The following RHEB variants were observed in gnomAD, a reference collection of about 807,000 sequenced individuals.
The protein encoded by RHEB is Ras homolog, mTORC1 binding.
In RHEB, 2 loss-of-function variants were observed where a neutral mutation model predicts 28.8. The observed-to-expected ratio is 0.07, with a 90% CI of 0.03 to 0.22. RHEB has a LOEUF of 0.22. Ranked by LOEUF, RHEB falls within the 10% of genes least tolerant of loss-of-function variation. The pLI is 1.00. For missense variants in RHEB, 76 were observed against 219.9 expected, an observed-to-expected ratio of 0.35 and a Z score of 4.14; for synonymous variants, 69 against 77.3, an observed-to-expected ratio of 0.89 and a Z score of 0.56.
At chr7:151,498,157 T>C (rs1235216813) in intron 1 of RHEB, 5 of 1,289,636 alleles carry the variant, frequency 3.9e-6, no homozygotes, top group Non-Finnish European at 5.1e-6. Flanking sequence ...TCACAACAGG[T>C]GCGTAGGTCC....
intron 4 of RHEB, among the ~76,000 whole-genome samples, chr7:151,474,179 T>C (rs1802222920): frequency 9.7e-6 from 1 of 102,776 alleles, no homozygotes; most frequent in South Asian, 3.8e-4. Context: ...ACCAGTGTTG[T>C]TTTTTTGTTT....
chr7:151,519,046 G>C (rs892727786), intron 1 of RHEB: 1 of 152,436 alleles, frequency 6.6e-6, no homozygotes, highest in African/African-American at 2.4e-5. Flanking sequence ...GGGGCGGGGT[G>C]GGGGAGACCG....
intron 1 of RHEB, chr7:151,498,161 T>G (rs1205629305): frequency 7.8e-7 from 1 of 1,289,740 alleles, no homozygotes; most frequent in East Asian, 5.5e-5. Context: ...AACAGGTGCG[T>G]AGGTCCTGGC....
At chr7:151,481,615 G>A (rs527395665) in intron 3 of RHEB, among the ~76,000 whole-genome samples, 95 of 152,272 alleles carry the variant, frequency 6.2e-4, no homozygotes, top group Admixed American at 2.8e-3. Context: ...ATGCCTGTGT[G>A]CCACCATCCT....
chr7:151,502,644 T>A, intron 1 of RHEB: 1 of 1,600,048 alleles, frequency 6.2e-7, no homozygotes, highest in Non-Finnish European at 8.6e-7. Context: ...TAGATGGTAG[T>A]GGTGCACTTT....
chr7:151,477,992 A>G (rs1802301022), intron 3 of RHEB, among the ~76,000 whole-genome samples: 2 of 152,142 alleles, frequency 1.3e-5, no homozygotes, highest in South Asian at 2.1e-4. Context: ...ACCAGGTTCA[A>G]TTGAGGTATT....
chr7:151,479,677 C>T (rs1356993132), intron 3 of RHEB, among the ~76,000 whole-genome samples: 25 of 112,700 alleles, frequency 2.2e-4, no homozygotes, highest in East Asian at 7.3e-4. Flanking sequence ...AGCGAGACTC[C>T]GTCTCAAAAA....
intron 1 of RHEB, among the ~76,000 whole-genome samples, chr7:151,492,942 G>A (rs1371708323): frequency 6.6e-6 from 1 of 150,586 alleles, no homozygotes; most frequent in Non-Finnish European, 1.5e-5. Context: ...GGGTTGAGGC[G>A]ATTCTCCTGC....
rs147823661 is a variant in RHEB, at chr7:151,496,029, C to G, written c.53-5015G>C. On this transcript the variant is annotated intron_variant, in intron 1 of 7. Coordinates refer to ENST00000262187, the MANE Select transcript of RHEB (RefSeq NM_005614.4). ...TGATGGGGAAGACCAGATTTTCAAT[C>G]TATTAACTAGTCTATCAAGGCATTC... Among the ~76,000 whole-genome samples the G allele has an allele frequency of 1.3e-3, 198 of 152,322 alleles. 2 individuals are homozygous for G. In the East Asian group the frequency reaches 0.02, roughly 15 times the overall value.
In RHEB at chr7:151,484,768, T is replaced by A; in HGVS notation, c.161A>T (p.Tyr54Phe). 2 of 1,612,854 alleles carry A rather than the reference T, an allele frequency of 1.2e-6. No individual in the cohort carries two copies. Among genetic ancestry groups the A allele is most frequent in the Non-Finnish European group, 1.7e-6 (2 of 1,178,870 alleles). The change falls in exon 3 of 8, where the codon TAT becomes TTT. Residue 54 changes from tyrosine to phenylalanine, a missense_variant. Transcript: ENST00000262187. Reference sequence around the variant, plus strand: ...GGCTGTGTCTACAAGTTGAAGATGATATTCTTGTCCATTTACTGTGATCAA... The same window carrying A: ...GGCTGTGTCTACAAGTTGAAGATGAAATTCTTGTCCATTTACTGTGATCAA... The part of the protein sequence containing the change: ...TKLITVNGQE[Y>F]HLQLVDTAGQ...
chr7:151,501,620 A>G (rs1802772807), intron 1 of RHEB, among the ~76,000 whole-genome samples: 1 of 152,232 alleles, frequency 6.6e-6, no homozygotes, highest in Non-Finnish European at 1.5e-5. Context: ...ACGAAAATTT[A>G]TGGTCAACAC....
chr7:151,502,237 A>G, intron 1 of RHEB: 1 of 516,910 alleles, frequency 1.9e-6, no homozygotes, highest in Non-Finnish European at 3.5e-6. Flanking sequence ...TCAAAAAAAA[A>G]AAAAAAAAAA....
intron 1 of RHEB, among the ~76,000 whole-genome samples, chr7:151,510,155 T>A (rs567942585): frequency 1.7e-4 from 26 of 152,190 alleles, no homozygotes; most frequent in Non-Finnish European, 3.7e-4. Flanking sequence ...ACCCTTCTCA[T>A]TCACTCAGTG....
intron 3 of RHEB, among the ~76,000 whole-genome samples, chr7:151,482,724 C>A (rs1447222909): frequency 6.6e-6 from 1 of 152,106 alleles, no homozygotes; most frequent in Admixed American, 6.5e-5. Flanking sequence ...ACTGTTGTCC[C>A]AACATAATTA....
At chr7:151,502,283 A>G (rs1213902580) in intron 1 of RHEB, 7 of 697,298 alleles carry the variant, frequency 1.0e-5, no homozygotes, top group Non-Finnish European at 1.8e-5. Flanking sequence ...TGGCACTAGC[A>G]TGATATCACT....
At chr7:151,516,622 CAAAAA>C (rs551863062) in intron 1 of RHEB, among the ~76,000 whole-genome samples, 2 of 91,974 alleles carry the variant, frequency 2.2e-5, no homozygotes, top group Admixed American at 1.3e-4. Flanking sequence ...GACTCTGTCA[CAAAAA>C]AAAAAAAAAA....
At chr7:151,510,419 C>A (rs915919447) in intron 1 of RHEB, among the ~76,000 whole-genome samples, 1 of 152,160 alleles carries the variant, frequency 6.6e-6, no homozygotes, top group African/African-American at 2.4e-5. Context: ...GTTTCCTTAT[C>A]TGCAAAATAG....
At chr7:151,494,559 T>G (rs1025104346) in intron 1 of RHEB, among the ~76,000 whole-genome samples, 3 of 152,192 alleles carry the variant, frequency 2.0e-5, no homozygotes, top group Admixed American at 1.3e-4. Flanking sequence ...TAACAGACAA[T>G]GTAGTCTAAC....
chr7:151,502,869 A>C (rs1802797191), intron 1 of RHEB: 1 of 880,780 alleles, frequency 1.1e-6, no homozygotes, highest in Non-Finnish European at 1.9e-6. Context: ...GAACTAAGTC[A>C]ATCTGATATG....
Sources: allele counts gnomAD v4.1 joint callset (sites outside exome capture counted in the v4.1 genomes callset), GRCh38; gene constraint gnomAD v4.1.1; transcripts MANE v1.5; gene names NCBI Gene and HGNC (gene_info 2026-07-23, HGNC 2026-07-21).